The following CPQ variants were observed in gnomAD, a reference collection of about 807,000 sequenced individuals.
CPQ encodes the protein carboxypeptidase Q, also known as Ser-Met dipeptidase.
A neutral mutation model predicts 45.7 loss-of-function variants in CPQ; 37 were observed. The ratio of observed to expected loss-of-function variants is 0.81; its 90% CI spans 0.62 to 1.07. The LOEUF is 1.07. CPQ is among the 50% of genes least tolerant of loss of function. The pLI, the probability that CPQ is intolerant of heterozygous loss-of-function variation, is 0.00. For synonymous variants in CPQ, 186 were observed against 205.8 expected, an observed-to-expected ratio of 0.90 and a Z score of 0.82; for missense variants, 537 against 572.9, an observed-to-expected ratio of 0.94 and a Z score of 0.64.
intron 1 of CPQ, among the ~76,000 whole-genome samples, chr8:96,700,698 T>A (rs943645888): frequency 2.0e-5 from 3 of 152,106 alleles, no homozygotes; most frequent in African/African-American, 7.2e-5. Flanking sequence ...CTCTGCCACA[T>A]CTGAAATTTC....
At chr8:96,941,820 T>C (rs1410505009) in intron 4 of CPQ, among the ~76,000 whole-genome samples, 1 of 152,220 alleles carries the variant, frequency 6.6e-6, no homozygotes, top group Non-Finnish European at 1.5e-5. Flanking sequence ...ACTGTTTTCA[T>C]ATCTTTACAT....
chr8:96,647,764 T>C (rs553908713), intron 1 of CPQ, among the ~76,000 whole-genome samples: 10 of 152,366 alleles, frequency 6.6e-5, no homozygotes, highest in African/African-American at 2.2e-4. Context: ...TTGAATTCCA[T>C]TGAGATTCCA....
intron 7 of CPQ, among the ~76,000 whole-genome samples, chr8:97,068,965 A>G (rs1450262057): frequency 1.3e-5 from 2 of 152,194 alleles, no homozygotes; most frequent in Non-Finnish European, 1.5e-5. Context: ...GGCAGTGTCT[A>G]AAATGTTTAT....
intron 5 of CPQ, among the ~76,000 whole-genome samples, chr8:96,992,391 A>C (rs1303393256): frequency 1.3e-5 from 2 of 152,156 alleles, no homozygotes; most frequent in East Asian, 3.9e-4. Flanking sequence ...CATGTAGTTG[A>C]CAATCTAGCT....
chr8:96,965,372 C>CT (rs5893403), intron 4 of CPQ, among the ~76,000 whole-genome samples: 122 of 80,536 alleles, frequency 1.5e-3, no homozygotes, highest in African/African-American at 4.5e-3. Flanking sequence ...AATTTCTTTT[C>CT]TTTTTTTTTT....
chr8:96,683,298 A>G (rs1809176175), intron 1 of CPQ, among the ~76,000 whole-genome samples: 1 of 152,088 alleles, frequency 6.6e-6, no homozygotes, highest in South Asian at 2.1e-4. Context: ...GTATTCTTAG[A>G]TGGCAGGGTT....
chr8:96,785,052 A>G lies in CPQ; in HGVS notation c.155A>G (p.Asn52Ser). ...GGAGATGTTGCTAAAGCAATCATCA[A>G]CCTAGCTGTTTATGGTAAAGCCCAG... The part of the protein sequence containing the change: ...SCGDVAKAII[N>S]LAVYGKAQNR... Residue 52 changes from asparagine to serine, a missense_variant, in exon 2 of 8, where the codon AAC becomes AGC. By Grantham distance (46) the Asn-to-Ser change is conservative (BLOSUM62 1). Transcript: ENST00000220763. 1 of 1,613,898 alleles carries G rather than the reference A, an allele frequency of 6.2e-7. No individual in the cohort carries two copies. The highest frequency in any genetic ancestry group is 8.5e-7 in the Non-Finnish European group (1 of 1,179,864).
chr8:96,828,961 A>G (rs193035404), intron 2 of CPQ, among the ~76,000 whole-genome samples: 3 of 152,260 alleles, frequency 2.0e-5, no homozygotes, highest in Admixed American at 2.0e-4. Flanking sequence ...GAAGCAGTCT[A>G]TGCTTATGGC....
intron 7 of CPQ, among the ~76,000 whole-genome samples, chr8:97,138,739 G>A (rs2436051): frequency 0.68 from 103,830 of 151,924 alleles, 36,346 homozygotes; most frequent in Non-Finnish European, 0.75. Flanking sequence ...ATGAGCAGTG[G>A]GTGCATCTAG....
At chr8:97,141,060 T>C (rs1235835751) in intron 7 of CPQ, among the ~76,000 whole-genome samples, 1 of 152,086 alleles carries the variant, frequency 6.6e-6, no homozygotes, top group Non-Finnish European at 1.5e-5. Flanking sequence ...GGTAGAGAAC[T>C]TAAAAATGAA....
At chr8:97,101,943 C>CT (rs1811316457) in intron 7 of CPQ, among the ~76,000 whole-genome samples, 2 of 127,646 alleles carry the variant, frequency 1.6e-5, no homozygotes, top group Non-Finnish European at 3.3e-5. Context: ...TCTCTCTCTC[C>CT]CTCCCTCCCT....
chr8:97,143,010 T>A lies in CPQ; in HGVS notation c.1256-10T>A. ...TACTCCACTAAGAATTCTTCCTCTT[T>A]TATCCCCAGGAGCCAGTCTACTTGA... On this transcript the variant is annotated splice_polypyrimidine_tract_variant and intron_variant, in intron 7 of 7. Transcript: ENST00000220763. The A allele has an allele frequency of 6.2e-7, 1 of 1,613,224 alleles. No individual in the cohort carries two copies. The highest frequency in any genetic ancestry group is 1.3e-5 in the African/African-American group (1 of 74,998).
At chr8:97,121,776 T>G (rs1415128301) in intron 7 of CPQ, among the ~76,000 whole-genome samples, 1 of 151,278 alleles carries the variant, frequency 6.6e-6, no homozygotes. Flanking sequence ...TTAAGAGAAA[T>G]CAGAAACATA....
At chr8:96,713,419 G>A (rs750134648) in intron 1 of CPQ, among the ~76,000 whole-genome samples, 5 of 152,180 alleles carry the variant, frequency 3.3e-5, no homozygotes, top group Non-Finnish European at 5.9e-5. Context: ...CCAAGACTGG[G>A]TAATTTATAA....
At chr8:96,774,144 G>A (rs946665537) in intron 1 of CPQ, among the ~76,000 whole-genome samples, 2 of 152,060 alleles carry the variant, frequency 1.3e-5, no homozygotes, top group African/African-American at 4.8e-5. Flanking sequence ...AGTGGTGCAT[G>A]CCTGTAATCC....
At chr8:96,703,319 T>C (rs896505815) in intron 1 of CPQ, among the ~76,000 whole-genome samples, 3 of 152,216 alleles carry the variant, frequency 2.0e-5, no homozygotes, top group African/African-American at 7.2e-5. Context: ...GGCCATTTGC[T>C]AAGAAATACC....
intron 6 of CPQ, among the ~76,000 whole-genome samples, chr8:97,048,773 T>G (rs546230963): frequency 1.3e-5 from 2 of 152,302 alleles, no homozygotes; most frequent in East Asian, 3.9e-4. Context: ...ATTCAAAAAT[T>G]TAACAAATTG....
At chr8:96,737,983 G>C (rs1157916573) in intron 1 of CPQ, among the ~76,000 whole-genome samples, 1 of 152,054 alleles carries the variant, frequency 6.6e-6, no homozygotes, top group Non-Finnish European at 1.5e-5. Context: ...TATAGCCCAT[G>C]AGTAATTTAG....
At chr8:96,784,728 G>T in intron 1 of CPQ, 136 bp from the exon 2 acceptor site, 1 of 627,240 alleles carries the variant, frequency 1.6e-6, no homozygotes. Flanking sequence ...GAGTAACAGT[G>T]CCTGAATTTG....
Sources: gnomAD v4.1 joint callset for allele counts (sites outside exome capture counted in the v4.1 genomes callset) on GRCh38, gnomAD v4.1.1 for gene constraint, MANE v1.5 for transcripts, NCBI Gene and HGNC (gene_info 2026-07-23, HGNC 2026-07-21) for gene names.